Variants in LYPD6 observed in about 807,000 individuals in gnomAD.
The protein encoded by LYPD6 is ly6/PLAUR domain-containing protein 6.
LYPD6 carries 15 observed loss-of-function variants against 22.7 expected under a neutral mutation model. That is an observed-to-expected ratio of 0.66 (90% CI 0.44 to 1.02). LYPD6 has a LOEUF of 1.02. LYPD6 is among the 50% of genes least tolerant of loss of function. The probability of loss-of-function intolerance (pLI) is 0.00; values close to 1 mark genes in which losing one functional copy is unlikely to be tolerated. For missense variants in LYPD6, 189 were observed against 208.4 expected (o/e 0.91, Z 0.57); for synonymous variants, 72 against 77.5 (o/e 0.93, Z 0.37).
At chr2:149,335,235 C>T (rs886354545) in intron 1 of LYPD6, among the ~76,000 whole-genome samples, 2 of 151,918 alleles carry the variant, frequency 1.3e-5, no homozygotes, top group African/African-American at 4.8e-5. Flanking sequence ...CAGCTCCATG[C>T]GTGTTATTGC....
At chr2:149,400,473 C>T (rs968490267) in intron 1 of LYPD6, among the ~76,000 whole-genome samples, 24 of 152,180 alleles carry the variant, frequency 1.6e-4, no homozygotes, top group African/African-American at 1.4e-4. Flanking sequence ...AGTGTCTTTC[C>T]GGAGCATGAG....
In LYPD6 at chr2:149,394,359, G is replaced by A. The variant is rs780695239; in HGVS notation, c.-71-43279G>A. On this transcript the variant is annotated intron_variant, in intron 1 of 4. Coordinates refer to ENST00000334166, the MANE Select transcript of LYPD6 (RefSeq NM_194317.5). ...ACCTCTGAAAATAGTAGTAAAAGTAGCAATCATTATTCTGTGTGTCAGGCA... is the reference window on the plus strand; with the variant it reads ...ACCTCTGAAAATAGTAGTAAAAGTAACAATCATTATTCTGTGTGTCAGGCA... Among the ~76,000 whole-genome samples the A allele has an allele frequency of 5.7e-4, 87 of 152,184 alleles. 2 individuals carry two copies. Among genetic ancestry groups the A allele is most frequent in the Non-Finnish European group, 1.3e-4 (9 of 68,018 alleles).
chr2:149,353,103 A>T (rs1171751018), intron 1 of LYPD6, among the ~76,000 whole-genome samples: 2 of 152,168 alleles, frequency 1.3e-5, no homozygotes, highest in Non-Finnish European at 1.5e-5. Context: ...ATCTACAAAC[A>T]CTTCTTGGCC....
At chr2:149,408,358 CT>C (rs1231893890) in intron 1 of LYPD6, among the ~76,000 whole-genome samples, 1 of 152,190 alleles carries the variant, frequency 6.6e-6, no homozygotes, top group Admixed American at 6.5e-5. Flanking sequence ...TTCGTCTTGA[CT>C]TTAGGTAAGC....
At chr2:149,401,664 G>A (rs1419134148) in intron 1 of LYPD6, among the ~76,000 whole-genome samples, 1 of 152,080 alleles carries the variant, frequency 6.6e-6, no homozygotes, top group African/African-American at 2.4e-5. Flanking sequence ...TAGGATTTGT[G>A]TCCAATGTTT....
chr2:149,401,767 A>G (rs1388859257), intron 1 of LYPD6, among the ~76,000 whole-genome samples: 1 of 152,102 alleles, frequency 6.6e-6, no homozygotes, highest in Non-Finnish European at 1.5e-5. Flanking sequence ...GGTTACATGA[A>G]TAAGTTCTTC....
chr2:149,456,945 C>A (rs1680970888), intron 3 of LYPD6, among the ~76,000 whole-genome samples: 1 of 152,102 alleles, frequency 6.6e-6, no homozygotes, highest in Non-Finnish European at 1.5e-5. Context: ...GAGATTCATC[C>A]ATTTCGTTAG....
At chr2:149,481,247 G>C in the LYPD6 span, among the ~76,000 whole-genome samples, 2 of 152,194 alleles carry the variant, frequency 1.3e-5, no homozygotes, top group East Asian at 1.9e-4. Flanking sequence ...CACAACAAGA[G>C]TTAAAATTGA....
intron 1 of LYPD6, among the ~76,000 whole-genome samples, chr2:149,386,974 G>A (rs1225621690): frequency 6.6e-6 from 1 of 152,128 alleles, no homozygotes; most frequent in Non-Finnish European, 1.5e-5. Flanking sequence ...TATGAAAATG[G>A]AGCACTCTGT....
chr2:149,479,697 T>C, the LYPD6 span, among the ~76,000 whole-genome samples: 1 of 152,170 alleles, frequency 6.6e-6, no homozygotes, highest in South Asian at 2.1e-4. Flanking sequence ...CTCCTTTCCA[T>C]GTCCAATTCC....
intron 1 of LYPD6, 48 bp downstream of exon 1, chr2:149,330,770 G>C (rs999281461): frequency 9.9e-5 from 15 of 152,272 alleles, no homozygotes; most frequent in Non-Finnish European, 1.9e-4. Context: ...ACAGGGGATT[G>C]GTGCCAGCGG....
chr2:149,352,662 G>T (rs527865817), intron 1 of LYPD6, among the ~76,000 whole-genome samples: 4 of 152,178 alleles, frequency 2.6e-5, no homozygotes, highest in African/African-American at 9.7e-5. Context: ...ATTTGTGTAC[G>T]TATCCTGCAT....
intron 1 of LYPD6, among the ~76,000 whole-genome samples, chr2:149,434,305 C>T (rs1229171507): frequency 3.9e-5 from 6 of 152,070 alleles, no homozygotes; most frequent in East Asian, 3.9e-4. Context: ...TTTTGTAAGT[C>T]GTTACTTTTT....
chr2:149,371,697 C>T (rs995421146), intron 1 of LYPD6, among the ~76,000 whole-genome samples: 3 of 152,158 alleles, frequency 2.0e-5, no homozygotes, highest in African/African-American at 7.2e-5. Flanking sequence ...ACTTAGCAGG[C>T]GTCAGGAGGC....
chr2:149,424,627 T>C (rs1176338147), intron 1 of LYPD6, among the ~76,000 whole-genome samples: 1 of 152,034 alleles, frequency 6.6e-6, no homozygotes, highest in African/African-American at 2.4e-5. Context: ...GGAGAGGGGA[T>C]GGGAGGCTTT....
chr2:149,446,988 G>A (rs181011403), intron 2 of LYPD6, among the ~76,000 whole-genome samples: 140 of 152,206 alleles, frequency 9.2e-4, no homozygotes, highest in African/African-American at 2.8e-3. Flanking sequence ...GATTATTTCC[G>A]CCAGTGGGAT....
At chr2:149,347,885 A>G (rs1681286217) in intron 1 of LYPD6, among the ~76,000 whole-genome samples, 1 of 152,100 alleles carries the variant, frequency 6.6e-6, no homozygotes, top group Admixed American at 6.6e-5. Flanking sequence ...GTCAGGCAAC[A>G]AGTACTTTTT....
At chr2:149,332,369 A>G (rs1157357754) in intron 1 of LYPD6, among the ~76,000 whole-genome samples, 1 of 152,224 alleles carries the variant, frequency 6.6e-6, no homozygotes, top group Non-Finnish European at 1.5e-5. Context: ...TACACTCTCA[A>G]GCTGTTGACA....
intron 1 of LYPD6, among the ~76,000 whole-genome samples, chr2:149,425,891 C>T (rs1344149758): frequency 1.3e-5 from 2 of 152,178 alleles, no homozygotes; most frequent in Non-Finnish European, 2.9e-5. Flanking sequence ...TATACCCTTT[C>T]ACAAAAATAA....
Sources: allele counts gnomAD v4.1 joint callset (sites outside exome capture counted in the v4.1 genomes callset), GRCh38; gene constraint gnomAD v4.1.1; transcripts MANE v1.5; gene names NCBI Gene and HGNC (gene_info 2026-07-23, HGNC 2026-07-21).